Variants in TG observed in about 807,000 individuals in gnomAD.
TG encodes the protein thyroglobulin.
A neutral mutation model predicts 324.7 loss-of-function variants in TG; 270 were observed. That is an observed-to-expected ratio of 0.83 (90% CI 0.75 to 0.92). TG has a LOEUF of 0.92. TG is among the 40% of genes least tolerant of loss of function. The pLI is 0.00. For missense variants in TG, 3,591 were observed against 3,456.4 expected, an observed-to-expected ratio of 1.04 and a Z score of -0.98; for synonymous variants, 1,401 against 1,327.0, an observed-to-expected ratio of 1.06 and a Z score of -1.21.
rs77847074 is a variant in TG, at chr8:133,072,659, A to G, written c.7240-22385A>G. Reference sequence around the variant, plus strand: ...AAAACCCAGCAGCATCTATTAATGCAGGGCACTGATTTAGGTGCACTAGAA... The same window carrying G: ...AAAACCCAGCAGCATCTATTAATGCGGGGCACTGATTTAGGTGCACTAGAA... On this transcript the variant is annotated intron_variant, in intron 41 of 47. Coordinates refer to ENST00000220616, the MANE Select transcript of TG (RefSeq NM_003235.5). 3.9e-3 allele frequency among the ~76,000 whole-genome samples: 594 copies of G among 152,374 alleles called. 4 individuals are homozygous for G. The highest frequency in any genetic ancestry group is 0.014 in the African/African-American group (566 of 41,590).
intron 5 of TG, among the ~76,000 whole-genome samples, chr8:132,873,497 T>C (rs560764733): frequency 2.8e-4 from 42 of 152,306 alleles, no homozygotes; most frequent in Admixed American, 1.4e-3. Flanking sequence ...GCCTACTACA[T>C]CATTTTTCAT....
In TG at chr8:133,060,220, C is replaced by T. The variant is rs562377138; in HGVS notation, c.7239+30197C>T. 1.9e-4 allele frequency: 305 copies of T among 1,612,906 alleles called. No homozygotes were observed. The highest frequency in any genetic ancestry group is 5.3e-4 in the South Asian group (48 of 90,898). ...CAGAGCCTGTGGTATAGGAGACAGACGGGGAAAGTCAACCGTGCCCTGAGC... is the reference window on the plus strand; with the variant it reads ...CAGAGCCTGTGGTATAGGAGACAGATGGGGAAAGTCAACCGTGCCCTGAGC... On this transcript the variant is annotated intron_variant, in intron 41 of 47. Coordinates refer to ENST00000220616, the MANE Select transcript of TG (RefSeq NM_003235.5).
intron 35 of TG, among the ~76,000 whole-genome samples, chr8:133,006,480 A>G (rs1394687633): frequency 3.3e-5 from 5 of 152,224 alleles, no homozygotes; most frequent in Non-Finnish European, 7.3e-5. Context: ...ATCATCTTAA[A>G]TGTTTTGGCT....
In TG at chr8:132,957,764, C is replaced by CACACACACACACACACACACAG. The variant is rs1564002673; in HGVS notation, c.5402-3224_5402-3223insAGACACACACACACACACACAC. The stretch of plus-strand genomic sequence containing the variant: ...AACTACACACACACACACACACACA[C>CACACACACACACACACACACAG]ACACACACACACACACACACGTATG... On this transcript the variant is annotated intron_variant, in intron 27 of 47. Transcript: ENST00000220616. Among the ~76,000 whole-genome samples, 47 of 135,410 alleles carry CACACACACACACACACACACAG rather than the reference C, an allele frequency of 3.5e-4. No individual in the cohort carries two copies. The South Asian group carries it at 9.3e-3, about 27-fold the overall frequency. 88.8% of individuals were successfully genotyped at this position (135,410 alleles called of 152,430 possible). A position where few individuals can be genotyped will look rare whatever the true frequency, so the allele number is the denominator to read the frequency against.
At position 132,873,227 on chromosome 8, in the gene TG, G is replaced by A. The variant is rs372932760; in HGVS notation, c.638+6G>A. 2.4e-5 allele frequency: 39 copies of A among 1,613,868 alleles called. 1 individual carries two copies. Among genetic ancestry groups the A allele is most frequent in the Admixed American group, 1.7e-4 (10 of 59,990 alleles). On this transcript the variant is annotated splice_donor_region_variant and intron_variant, in intron 5 of 47. Coordinates refer to ENST00000220616, the MANE Select transcript of TG (RefSeq NM_003235.5). ...CTGGTCCACAGCTACAACAGGTAAG[G>A]GGAGCAGGGGTGTGCCAGTCACTGG... is the stretch of plus-strand genomic sequence containing the variant.
chr8:132,985,508 C>T (rs1320873311), intron 35 of TG, among the ~76,000 whole-genome samples: 3 of 152,148 alleles, frequency 2.0e-5, no homozygotes, highest in Non-Finnish European at 4.4e-5. Context: ...TACAATTTTC[C>T]TCCTTTATCA....
intron 45 of TG, among the ~76,000 whole-genome samples, chr8:133,125,263 C>T (rs1228799862): frequency 6.6e-6 from 1 of 152,122 alleles, no homozygotes; most frequent in Non-Finnish European, 1.5e-5. Context: ...ACAATACACA[C>T]ATCAATATGC....
intron 43 of TG, among the ~76,000 whole-genome samples, chr8:133,108,823 A>T (rs1301635139): frequency 6.6e-6 from 1 of 152,256 alleles, no homozygotes; most frequent in African/African-American, 2.4e-5. Context: ...GTACTCTGGA[A>T]CAATAGGCAA....
chr8:133,070,029 A>AAAAAAAAAAAAAAAAAAAAAAC (rs376711807), intron 41 of TG, among the ~76,000 whole-genome samples: 2 of 109,810 alleles, frequency 1.8e-5, no homozygotes, highest in African/African-American at 7.8e-5. Context: ...AAAAAAAAGA[A>AAAAAAAAAAAAAAAAAAAAAAC]AGAAAGAAAG....
At chr8:133,018,404 C>A (rs1835256024) in intron 38 of TG, among the ~76,000 whole-genome samples, 1 of 152,150 alleles carries the variant, frequency 6.6e-6, no homozygotes, top group Admixed American at 6.5e-5. Flanking sequence ...ATCACTGGCA[C>A]CGCTATTGCA....
intron 10 of TG, among the ~76,000 whole-genome samples, chr8:132,893,279 GGT>G (rs1178723842): frequency 1.9e-5 from 2 of 106,688 alleles, no homozygotes; most frequent in South Asian, 3.2e-4. Context: ...CTGCGGGGGT[GGT>G]GTGTGTGTAT....
At chr8:132,957,762 C>CACACACACACACACACACACACAG (rs1796945832) in intron 27 of TG, among the ~76,000 whole-genome samples, 5 of 132,854 alleles carry the variant, frequency 3.8e-5, no homozygotes, top group Admixed American at 3.1e-4. Flanking sequence ...CACACACACA[C>CACACACACACACACACACACACAG]ACACACACAC....
intron 29 of TG, among the ~76,000 whole-genome samples, chr8:132,963,839 C>T (rs1467400859): frequency 6.6e-6 from 1 of 152,136 alleles, no homozygotes; most frequent in East Asian, 1.9e-4. Flanking sequence ...AAAAAAACGT[C>T]ATGCTACAGA....
chr8:133,076,280 G>T, intron 41 of TG, among the ~76,000 whole-genome samples: 1 of 152,182 alleles, frequency 6.6e-6, no homozygotes. Context: ...TCTACGGCCG[G>T]TGACCCAGGC....
rs1827700504 is a variant in TG, at chr8:132,961,130, G to A, written c.5467+57G>A. ...GGACGCTGATTACATGAGATTGTCT[G>A]GCACCACCTCTCATTCACAGGGCAC... On this transcript the variant is annotated intron_variant, in intron 28 of 47. Coordinates refer to ENST00000220616, the MANE Select transcript of TG (RefSeq NM_003235.5). 3 of 1,548,822 alleles carry A rather than the reference G, an allele frequency of 1.9e-6. No individual in the cohort carries two copies. In the South Asian group the frequency reaches 3.3e-5, roughly 17 times the overall value.
chr8:133,101,085 G>A (rs1849182575), intron 43 of TG, among the ~76,000 whole-genome samples: 1 of 152,106 alleles, frequency 6.6e-6, no homozygotes, highest in South Asian at 2.1e-4. Flanking sequence ...GCAGGAGTGG[G>A]GAGGGTGGCG....
At chr8:132,908,603 C>CTGAG (rs532701172) in intron 18 of TG, among the ~76,000 whole-genome samples, 24 of 152,140 alleles carry the variant, frequency 1.6e-4, no homozygotes, top group African/African-American at 5.8e-4. Flanking sequence ...GATGTCAAGG[C>CTGAG]TGAGGTCTAG....
chr8:132,948,968 T>A (rs72727436), intron 27 of TG, 25 bp downstream of exon 27: 19,164 of 1,609,822 alleles, frequency 0.012, 186 homozygotes, highest in Non-Finnish European at 0.014. Flanking sequence ...TTTGTCCATA[T>A]TCTTTCAAAA....
intron 34 of TG, among the ~76,000 whole-genome samples, chr8:132,981,205 T>C (rs1265525580): frequency 6.6e-6 from 1 of 152,220 alleles, no homozygotes; most frequent in Non-Finnish European, 1.5e-5. Context: ...GTGTGGCAAA[T>C]GCTCTGCTGA....
Sources: allele counts gnomAD v4.1 joint callset (sites outside exome capture counted in the v4.1 genomes callset), GRCh38; gene constraint gnomAD v4.1.1; transcripts MANE v1.5; gene names NCBI Gene and HGNC (gene_info 2026-07-23, HGNC 2026-07-21).